Variants in PKHD1 observed in about 807,000 individuals in gnomAD.
PKHD1 encodes PKHD1 ciliary IPT domain containing fibrocystin/polyductin.
In PKHD1, 291 loss-of-function variants were observed where a neutral mutation model predicts 412.0. That is an observed-to-expected ratio of 0.71 (90% CI 0.64 to 0.78). The LOEUF (loss-of-function observed/expected upper bound fraction) is 0.78. Among genes scored for constraint, PKHD1 ranks in the 30% least tolerant of loss-of-function variants. The probability of loss-of-function intolerance (pLI) is 0.00; values close to 1 mark genes in which losing one functional copy is unlikely to be tolerated. For synonymous variants in PKHD1, 1,777 were observed against 1,821.5 expected (o/e 0.98, Z 0.62); for missense variants, 4,825 against 4,950.7 (o/e 0.97, Z 0.76).
rs1805309257 is a variant in PKHD1, at chr6:52,043,741, G to A, written c.2716-11C>T. The A allele has an allele frequency of 6.2e-7, 1 of 1,604,086 alleles. No homozygotes were observed. Among genetic ancestry groups the A allele is most frequent in the South Asian group, 1.1e-5 (1 of 90,886 alleles). On this transcript the variant is annotated splice_polypyrimidine_tract_variant and intron_variant, in intron 25 of 66. Transcript: ENST00000371117. Reference sequence around the variant, plus strand: ...CACTCGCACAACCACCTGAAATGAGGCAAAATTTCTTTTCCATTTTATGCA... The same window carrying A: ...CACTCGCACAACCACCTGAAATGAGACAAAATTTCTTTTCCATTTTATGCA...
chr6:51,710,199 G>A (rs1279177154), intron 60 of PKHD1, among the ~76,000 whole-genome samples: 1 of 152,030 alleles, frequency 6.6e-6, no homozygotes, highest in East Asian at 1.9e-4. Flanking sequence ...GACAGAGCAA[G>A]ACTCCATCTC....
chr6:51,899,050 G>T (rs924319075), intron 43 of PKHD1, among the ~76,000 whole-genome samples: 7 of 152,184 alleles, frequency 4.6e-5, no homozygotes, highest in African/African-American at 1.4e-4. Context: ...AAAGAGTCCA[G>T]GACCAGGCAG....
chr6:52,082,541 A>C lies in PKHD1; in HGVS notation c.132T>G (p.Gly44=). The C allele has an allele frequency of 6.2e-7, 1 of 1,613,976 alleles. No homozygotes were observed. Among genetic ancestry groups the C allele is most frequent in the South Asian group, 1.1e-5 (1 of 91,072 alleles). ...GGTWITVIFD[G]LELGVLYPNN... is the part of the protein sequence containing the mutation. Reference sequence around the variant, plus strand: ...TGGGGTAAAGAACACCCAACTCCAAACCTAACACAAGGGAAAGAAATCTCA... The same window carrying C: ...TGGGGTAAAGAACACCCAACTCCAACCCTAACACAAGGGAAAGAAATCTCA... The change falls in exon 4 of 67, where the codon GGT becomes GGG. Residue 44 remains glycine (G), a splice_region_variant and synonymous_variant. Coordinates refer to ENST00000371117, the MANE Select transcript of PKHD1 (RefSeq NM_138694.4).
intron 51 of PKHD1, among the ~76,000 whole-genome samples, chr6:51,834,098 G>T (rs1562418954): frequency 6.6e-6 from 1 of 152,168 alleles, no homozygotes; most frequent in East Asian, 1.9e-4. Flanking sequence ...AGGAGGCTAG[G>T]CTTTTGAGAA....
rs527647930 is a variant in PKHD1 at position 51,941,502 on chromosome 6, G to A, written c.5909-7180C>T. Among the ~76,000 whole-genome samples, 6 of 150,598 alleles carry A rather than the reference G, an allele frequency of 4.0e-5. No homozygotes were observed. The East Asian group carries it at 5.8e-4, about 15-fold the overall frequency. On this transcript the variant is annotated intron_variant, in intron 36 of 66. Coordinates refer to ENST00000371117, the MANE Select transcript of PKHD1 (RefSeq NM_138694.4). The stretch of plus-strand genomic sequence containing the variant: ...GATCTCCTGACCTCATGATCCACCC[G>A]CCTCGGCCTCCCAAAGTGCTGGGAT...
chr6:51,675,396 C>T (rs990895435), intron 60 of PKHD1, among the ~76,000 whole-genome samples: 3 of 152,110 alleles, frequency 2.0e-5, no homozygotes, highest in Non-Finnish European at 2.9e-5. Flanking sequence ...CCCACTTCTC[C>T]AAATGGCCTA....
At chr6:52,051,874 G>A (rs998346790) in intron 21 of PKHD1, among the ~76,000 whole-genome samples, 4 of 132,410 alleles carry the variant, frequency 3.0e-5, no homozygotes, top group Admixed American at 1.6e-4. Context: ...CACCCAGCAC[G>A]TCACTTGAGT....
chr6:51,878,989 A>G lies in PKHD1; in HGVS notation c.7350+4104T>C, dbSNP rs1480738730. Among the ~76,000 whole-genome samples, 3 of 91,724 alleles carry G rather than the reference A, an allele frequency of 3.3e-5. 1 individual carries two copies. The highest frequency in any genetic ancestry group is 1.5e-4 in the African/African-American group (3 of 19,480). The allele number at this position is 91,724 out of a possible 152,430, so 60.2% of individuals were successfully genotyped here. The stretch of plus-strand genomic sequence containing the variant: ...CCAAAAACAGACAAACAGAGAGCCA[A>G]CTCATGAGTGAACTCCCATTCACAA... On this transcript the variant is annotated intron_variant, in intron 46 of 66. Transcript: ENST00000371117.
rs370446285 is a variant in PKHD1 at position 51,994,515 on chromosome 6, C to T, written c.5751+15794G>A. On this transcript the variant is annotated intron_variant, in intron 35 of 66. Transcript: ENST00000371117. ...CACATTGGAACATGTTGATTTTGTC[C>T]AGTTACAGATGGGGAAACTAAGAGG... Among the ~76,000 whole-genome samples, 69 of 152,266 alleles carry T rather than the reference C, an allele frequency of 4.5e-4. No individual in the cohort carries two copies. The South Asian group carries it at 0.014, about 30-fold the overall frequency.
chr6:51,980,558 C>T (rs967744605), intron 35 of PKHD1, among the ~76,000 whole-genome samples: 3 of 152,060 alleles, frequency 2.0e-5, no homozygotes, highest in Non-Finnish European at 4.4e-5. Flanking sequence ...TAACATAATT[C>T]CCTGCTCTCA....
In PKHD1 at chr6:51,748,519, T is replaced by C. The variant is rs766016230; in HGVS notation, c.9097A>G (p.Ser3033Gly). 3.7e-6 allele frequency: 6 copies of C among 1,613,922 alleles called. No individual in the cohort carries two copies. The South Asian group carries it at 5.5e-5, about 15-fold the overall frequency. ...SCGGGIHAAA[S>G]HGVLLNDNIV... Reference sequence around the variant, plus strand: ...TTGTCATTTAAAAGTACTCCATGACTGGCAGCTGCATGAATGCCCCCGCCA... The same window carrying C: ...TTGTCATTTAAAAGTACTCCATGACCGGCAGCTGCATGAATGCCCCCGCCA... The change falls in exon 58 of 67, where the codon AGT becomes GGT. Residue 3033 changes from serine to glycine, a missense_variant. Coordinates refer to ENST00000371117, the MANE Select transcript of PKHD1 (RefSeq NM_138694.4).
intron 60 of PKHD1, among the ~76,000 whole-genome samples, chr6:51,672,469 G>C (rs899172708): frequency 7.2e-5 from 11 of 152,174 alleles, no homozygotes; most frequent in Non-Finnish European, 1.0e-4. Flanking sequence ...GCTGAGATTT[G>C]TTTTGGAGCC....
chr6:51,890,059 T>C lies in PKHD1; in HGVS notation c.6997-2814A>G, dbSNP rs1043074162. On this transcript the variant is annotated intron_variant, in intron 43 of 66. Coordinates refer to ENST00000371117, the MANE Select transcript of PKHD1 (RefSeq NM_138694.4). The stretch of plus-strand genomic sequence containing the variant: ...ATGAGTAGAATAATAACACTCATAG[T>C]GAAAATCTACAGAGAAGGCACTACA... 7.9e-5 allele frequency among the ~76,000 whole-genome samples: 12 copies of C among 152,240 alleles called. No individual in the cohort carries two copies. The South Asian group carries it at 2.5e-3, about 32-fold the overall frequency.
rs754392766 is a variant in PKHD1, at chr6:52,058,355, G to A, written c.1480C>T (p.Arg494Ter). Reference protein sequence around the residue: ...TTYLREKHQIRVRAQRLPEVQ... With the variant: ...TTYLREKHQI ...TCTGGAAGCCTCTGGGCTCGGACTC[G>A]GATCTGGTGCTTCTCCCGTAGGTAA... Residue 494 changes from arginine (R) to a stop codon, truncating the protein, a stop_gained, in exon 16 of 67, where the codon CGA becomes TGA. Coordinates refer to ENST00000371117, the MANE Select transcript of PKHD1 (RefSeq NM_138694.4). LOFTEE classifies it high-confidence loss of function. The A allele has an allele frequency of 5.0e-6, 8 of 1,614,024 alleles. No homozygotes were observed. In the East Asian group the frequency reaches 6.7e-5, roughly 13 times the overall value.
chr6:52,030,988 A>G (rs1159026121), intron 29 of PKHD1, among the ~76,000 whole-genome samples: 1 of 152,188 alleles, frequency 6.6e-6, no homozygotes, highest in Non-Finnish European at 1.5e-5. Context: ...AGAAGTAAAA[A>G]AAAAATAGGA....
At chr6:51,676,814 A>C (rs940460834) in intron 60 of PKHD1, among the ~76,000 whole-genome samples, 5 of 152,348 alleles carry the variant, frequency 3.3e-5, no homozygotes, top group Admixed American at 2.0e-4. Context: ...TGGTCATAAT[A>C]GAAATAATAG....
intron 53 of PKHD1, among the ~76,000 whole-genome samples, chr6:51,779,948 G>A (rs891261663): frequency 6.6e-6 from 1 of 152,050 alleles, no homozygotes; most frequent in African/African-American, 2.4e-5. Context: ...TGATGATAAA[G>A]CAGTTTAACA....
chr6:51,863,345 C>T (rs1774499560), intron 48 of PKHD1, among the ~76,000 whole-genome samples: 1 of 152,304 alleles, frequency 6.6e-6, no homozygotes, highest in East Asian at 1.9e-4. Flanking sequence ...TCTAATCTCC[C>T]TCACACTCAA....
intron 35 of PKHD1, among the ~76,000 whole-genome samples, chr6:52,003,896 T>A (rs1335914219): frequency 2.0e-5 from 3 of 152,198 alleles, no homozygotes; most frequent in Admixed American, 2.0e-4. Context: ...TATTGAGATG[T>A]TCTATTGAAA....
Sources: allele counts gnomAD v4.1 joint callset (sites outside exome capture counted in the v4.1 genomes callset), GRCh38; gene constraint gnomAD v4.1.1; transcripts MANE v1.5; gene names NCBI Gene and HGNC (gene_info 2026-07-23, HGNC 2026-07-21).